The following LAMA2 variants were observed in gnomAD, a reference collection of about 807,000 sequenced individuals.
LAMA2 encodes laminin subunit alpha-2.
In LAMA2, 269 loss-of-function variants were observed where a neutral mutation model predicts 364.8. The ratio of observed to expected loss-of-function variants is 0.74; its 90% CI spans 0.67 to 0.82. The LOEUF (loss-of-function observed/expected upper bound fraction) is 0.82, where lower values mean the gene tolerates loss of function less well. Among genes scored for constraint, LAMA2 ranks in the 40% least tolerant of loss-of-function variants. LAMA2 has a pLI of 0.00. For synonymous variants in LAMA2, 1,379 were observed against 1,370.6 expected (o/e 1.01, Z -0.14); for missense variants, 3,807 against 3,873.2 (o/e 0.98, Z 0.45).
intron 22 of LAMA2, among the ~76,000 whole-genome samples, chr6:129,309,130 A>C (rs531172874): frequency 2.3e-4 from 35 of 152,318 alleles, no homozygotes; most frequent in African/African-American, 7.7e-4. Context: ...GTGATTTGAG[A>C]TTTATAGCTT....
intron 1 of LAMA2, among the ~76,000 whole-genome samples, chr6:129,008,949 G>A (rs1277994017): frequency 6.6e-6 from 1 of 152,134 alleles, no homozygotes; most frequent in East Asian, 1.9e-4. Context: ...TTCTTGGCAT[G>A]CATAATTCAA....
chr6:129,261,176 A>AC (rs1787101197), intron 15 of LAMA2, among the ~76,000 whole-genome samples: 1 of 148,228 alleles, frequency 6.7e-6, no homozygotes, highest in South Asian at 2.1e-4. Context: ...TTAGCACTCT[A>AC]TTTTTTTTTT....
rs1239380946 is a variant in LAMA2 at position 129,297,818 on chromosome 6, A to G, written c.2990A>G (p.Asp997Gly). Residue 997 changes from aspartate to glycine, a missense_variant, in exon 21 of 65, where the codon GAC (aspartate) becomes GGC (glycine). This residue lies in a region of LAMA2 where 3,333 missense variants were observed against 3,345.7 expected (regional missense o/e 1.00). Coordinates refer to ENST00000421865, the MANE Select transcript of LAMA2 (RefSeq NM_000426.4). ...CCTGGAGTCACAGGGAAGAAATGTG[A>G]CCGCTGTGCCCACGGCTATTTCAAC... Reference protein sequence around the residue: ...CQPGVTGKKCDRCAHGYFNFQ... With the variant: ...CQPGVTGKKCGRCAHGYFNFQ... 9.9e-6 allele frequency: 16 copies of G among 1,613,878 alleles called. No individual in the cohort carries two copies. Among genetic ancestry groups the G allele is most frequent in the South Asian group, 3.3e-5 (3 of 91,060 alleles).
intron 27 of LAMA2, 125 bp from the exon 28 acceptor site, chr6:129,320,410 CAAA>C (rs1172370061): frequency 4.1e-6 from 3 of 735,840 alleles, no homozygotes; most frequent in Non-Finnish European, 7.5e-6. Flanking sequence ...CAATTAAAAA[CAAA>C]AAGACAATAG....
At chr6:129,336,982 G>A (rs1268065235) in intron 29 of LAMA2, among the ~76,000 whole-genome samples, 1 of 152,204 alleles carries the variant, frequency 6.6e-6, no homozygotes, top group Non-Finnish European at 1.5e-5. Context: ...CAGTTAACAA[G>A]ATGAGATTAA....
intron 16 of LAMA2, among the ~76,000 whole-genome samples, chr6:129,267,877 A>T (rs548011641): frequency 1.9e-4 from 29 of 152,218 alleles, no homozygotes; most frequent in African/African-American, 7.0e-4. Context: ...GACCATTCTG[A>T]TTAACTCAAG....
chr6:128,920,474 A>G (rs558512666), intron 1 of LAMA2, among the ~76,000 whole-genome samples: 1 of 152,006 alleles, frequency 6.6e-6, no homozygotes, highest in East Asian at 1.9e-4. Flanking sequence ...CCATTTTTAT[A>G]GTTTCTCCAA....
At chr6:128,931,283 A>G (rs1041525222) in intron 1 of LAMA2, among the ~76,000 whole-genome samples, 1 of 152,194 alleles carries the variant, frequency 6.6e-6, no homozygotes, top group African/African-American at 2.4e-5. Context: ...TTGAGTCTTT[A>G]TTGTAGTTCT....
intron 1 of LAMA2, among the ~76,000 whole-genome samples, chr6:128,978,354 T>C (rs1319816256): frequency 2.4e-3 from 351 of 149,324 alleles, no homozygotes; most frequent in Middle Eastern, 3.4e-3. Flanking sequence ...TCTTTCTTTT[T>C]TTTTTTTTTT....
intron 29 of LAMA2, among the ~76,000 whole-genome samples, chr6:129,332,665 G>A (rs922890850): frequency 9.2e-5 from 14 of 152,102 alleles, no homozygotes; most frequent in Admixed American, 2.0e-4. Flanking sequence ...TATCAAGCAC[G>A]CATTTCTCAT....
chr6:129,193,401 C>T (rs1781647867), intron 12 of LAMA2, among the ~76,000 whole-genome samples: 1 of 152,144 alleles, frequency 6.6e-6, no homozygotes, highest in South Asian at 2.1e-4. Flanking sequence ...CCTAAAAGTG[C>T]CAGATTGGAA....
chr6:128,979,324 T>C (rs993305034), intron 1 of LAMA2, among the ~76,000 whole-genome samples: 52 of 152,294 alleles, frequency 3.4e-4, no homozygotes, highest in African/African-American at 1.2e-3. Flanking sequence ...TTTGAACTAG[T>C]GCAGGGATAT....
intron 62 of LAMA2, among the ~76,000 whole-genome samples, chr6:129,508,007 A>C (rs546862134): frequency 6.6e-6 from 1 of 151,626 alleles, no homozygotes; most frequent in Non-Finnish European, 1.5e-5. Flanking sequence ...ATTCCCTGCA[A>C]GGCTGTATTT....
chr6:129,179,917 A>T (rs960301139), intron 10 of LAMA2, among the ~76,000 whole-genome samples: 1 of 152,174 alleles, frequency 6.6e-6, no homozygotes, highest in Non-Finnish European at 1.5e-5. Context: ...ACGATGAGTT[A>T]TATCAAAATG....
At position 129,516,517 on chromosome 6, in the gene LAMA2, GT is replaced by G; in HGVS notation, c.*172del. The G allele has an allele frequency of 1.5e-6, 1 of 657,846 alleles. No homozygotes were observed. The highest frequency in any genetic ancestry group is 1.8e-5 in the South Asian group (1 of 56,484). 40.8% of individuals were successfully genotyped at this position (657,846 alleles called of 1,614,324 possible). ...GACTCCAGACTGAATTTTAATTCAA[GT>G]TCTTTCTCAAGTCTATAAATAATAT... On this transcript the variant is annotated 3_prime_UTR_variant, in exon 65 of 65. Transcript: ENST00000421865.
chr6:128,912,330 T>C (rs1317734059), intron 1 of LAMA2, among the ~76,000 whole-genome samples: 1 of 152,224 alleles, frequency 6.6e-6, no homozygotes, highest in East Asian at 1.9e-4. Flanking sequence ...TGGATATTTT[T>C]TTCTCACTAC....
chr6:129,157,833 A>G (rs1177474645), intron 8 of LAMA2: 2 of 1,613,866 alleles, frequency 1.2e-6, no homozygotes, highest in East Asian at 4.5e-5. Flanking sequence ...GAAGCTGTAG[A>G]TATCAGCCAT....
intron 1 of LAMA2, among the ~76,000 whole-genome samples, chr6:128,947,522 A>T (rs1381704636): frequency 6.6e-6 from 1 of 152,224 alleles, no homozygotes; most frequent in Non-Finnish European, 1.5e-5. Context: ...TGTGAATATA[A>T]TACATAGGAA....
rs548026690 is a variant in LAMA2, at chr6:129,005,039, GA to G, written c.113-44873del. Among the ~76,000 whole-genome samples, 967 of 151,916 alleles carry G rather than the reference GA, an allele frequency of 6.4e-3. 10 individuals are homozygous for G. Among genetic ancestry groups the G allele is most frequent in the African/African-American group, 0.022 (911 of 41,484 alleles). Reference sequence around the variant, plus strand: ...AGTTTTCAGACATTCATTCTGGAAAGAAAAAACATGCTGGAAAGAAAAATTT... The same window carrying G: ...AGTTTTCAGACATTCATTCTGGAAAGAAAAACATGCTGGAAAGAAAAATTT... On this transcript the variant is annotated intron_variant, in intron 1 of 64. Coordinates refer to ENST00000421865, the MANE Select transcript of LAMA2 (RefSeq NM_000426.4).
Sources: allele counts gnomAD v4.1 joint callset (sites outside exome capture counted in the v4.1 genomes callset), GRCh38; gene constraint gnomAD v4.1.1; regional missense constraint gnomAD v4.1.1; transcripts MANE v1.5; gene names NCBI Gene and HGNC (gene_info 2026-07-23, HGNC 2026-07-21).